The following CDK18 variants were observed in gnomAD, a reference collection of about 807,000 sequenced individuals.
CDK18 encodes the protein cyclin-dependent kinase 18.
In CDK18, 52 loss-of-function variants were observed where a neutral mutation model predicts 62.0. The observed-to-expected ratio is 0.84, with a 90% CI of 0.67 to 1.06. The LOEUF is 1.06. CDK18 is among the 50% of genes least tolerant of loss of function. The probability of loss-of-function intolerance (pLI) is 0.00; values close to 1 mark genes in which losing one functional copy is unlikely to be tolerated. For synonymous variants in CDK18, 237 were observed against 247.0 expected (o/e 0.96, Z 0.38); for missense variants, 604 against 619.9 (o/e 0.97, Z 0.27).
rs564679481 is a variant in CDK18, at chr1:205,531,447, C to G, written c.*69C>G. 1 of 1,418,430 alleles carries G rather than the reference C, an allele frequency of 7.1e-7. No individual in the cohort carries two copies. 87.9% of individuals were successfully genotyped at this position (1,418,430 alleles called of 1,614,324 possible). A position where few individuals can be genotyped will look rare whatever the true frequency, so the allele number is the denominator to read the frequency against. Reference sequence around the variant, plus strand: ...GAGCACAAATTCGGGTAGGATGGAGCCTGTGTGGCCCTCGGAGGACTGAAG... The same window carrying G: ...GAGCACAAATTCGGGTAGGATGGAGGCTGTGTGGCCCTCGGAGGACTGAAG... On this transcript the variant is annotated 3_prime_UTR_variant, in exon 16 of 16. Transcript: ENST00000429964.
At chr1:205,530,882 C>G (rs1668705859) in intron 15 of CDK18, among the ~76,000 whole-genome samples, 177 bp downstream of exon 15, 1 of 152,202 alleles carries the variant, frequency 6.6e-6, no homozygotes, top group African/African-American at 2.4e-5. Context: ...CTCTTCCCTC[C>G]TCAACCCTCC....
chr1:205,525,974 G>A lies in CDK18; in HGVS notation c.457-91G>A, dbSNP rs1173574556. 3.1e-5 allele frequency: 27 copies of A among 859,006 alleles called. 1 individual carries two copies. The highest frequency in any genetic ancestry group is 1.5e-4 in the South Asian group (9 of 61,546). 53.2% of individuals were successfully genotyped at this position (859,006 alleles called of 1,614,324 possible). On this transcript the variant is annotated intron_variant, in intron 5 of 15. Coordinates refer to ENST00000429964, the MANE Select transcript of CDK18 (RefSeq NM_212502.3). ...GAGGAAGGGCACTCAGGCCCCAGTC[G>A]TAGCCCAGGCAGAGGCACAAATGGG...
Position 205,528,812 on chromosome 1 carries a change from C to CA in CDK18, c.975-186dup. 2.1e-6 allele frequency: 1 copy of CA among 474,754 alleles called. No homozygotes were observed. Among genetic ancestry groups the CA allele is most frequent in the Non-Finnish European group, 3.7e-6 (1 of 267,826 alleles). The allele number at this position is 474,754 out of a possible 1,614,324, so 29.4% of individuals were successfully genotyped here. On this transcript the variant is annotated intron_variant, in intron 10 of 15. Transcript: ENST00000429964. This position sits in a 1 kb window ranked among gnomAD's most constrained non-coding sequence, Gnocchi z 4.2. ...CTTTCCCGAGCCCAGGGAAGCCCCC[C>CA]AGAGAGGGGCTGTAGTGGGGGCTGG...
At chr1:205,506,716 G>T (rs867212155) in intron 1 of CDK18, among the ~76,000 whole-genome samples, 1 of 152,144 alleles carries the variant, frequency 6.6e-6, no homozygotes, top group African/African-American at 2.4e-5. Flanking sequence ...GGGAGGTTCC[G>T]GCCCACTCTG....
chr1:205,509,019 T>C (rs1575041976), intron 1 of CDK18, among the ~76,000 whole-genome samples: 1 of 143,288 alleles, frequency 7.0e-6, no homozygotes, highest in Non-Finnish European at 1.5e-5. Context: ...CATGGTGGCG[T>C]GTGCCTGTAA....
chr1:205,514,784 GT>G (rs1210640774), intron 1 of CDK18, among the ~76,000 whole-genome samples: 1 of 152,178 alleles, frequency 6.6e-6, no homozygotes, highest in Admixed American at 6.5e-5. Flanking sequence ...AAACAAAAAT[GT>G]TAAGGCCCCA....
rs1456452969 is a variant in CDK18 at position 205,523,543 on chromosome 1, C to G, written c.191C>G (p.Thr64Arg). ...CAGGAGTGCAGCACCTTCTCCCCAA[C>G]AGACAGCGGGGAGGAGCCGGGGCAG... is the stretch of plus-strand genomic sequence containing the variant. ...PPQECSTFSP[T>R]DSGEEPGQLS... Residue 64 changes from threonine to arginine, a missense_variant, in exon 3 of 16, where the codon ACA becomes AGA. Thr to Arg is a moderately conservative substitution (Grantham distance 71). Coordinates refer to ENST00000429964, the MANE Select transcript of CDK18 (RefSeq NM_212502.3). 6.2e-7 allele frequency: 1 copy of G among 1,606,460 alleles called. No homozygotes were observed. Among genetic ancestry groups the G allele is most frequent in the East Asian group, 2.2e-5 (1 of 44,634 alleles).
intron 11 of CDK18, 111 bp from the exon 12 acceptor site, chr1:205,529,213 C>T: frequency 1.5e-6 from 2 of 1,333,038 alleles, no homozygotes; most frequent in Non-Finnish European, 2.1e-6. Context: ...GGGCGGGGAC[C>T]CCCTGTGGCC....
chr1:205,526,612 G>C, intron 7 of CDK18, 151 bp downstream of exon 7: 1 of 930,996 alleles, frequency 1.1e-6, no homozygotes, highest in Non-Finnish European at 1.8e-6. Context: ...TCCCGTGCAG[G>C]AGTGGGCCAA....
rs1224833310 is a variant in CDK18, at chr1:205,517,472, TG to T, written c.-21-5674del. 7.2e-5 allele frequency among the ~76,000 whole-genome samples: 11 copies of T among 152,140 alleles called. No individual in the cohort carries two copies. Among genetic ancestry groups the T allele is most frequent in the Non-Finnish European group, 1.2e-4 (8 of 68,024 alleles). On this transcript the variant is annotated intron_variant, in intron 1 of 15. Coordinates refer to ENST00000429964, the MANE Select transcript of CDK18 (RefSeq NM_212502.3). This position sits in a 1 kb window ranked among gnomAD's most constrained non-coding sequence, Gnocchi z 4.1. ...CATCTTCCCTGTGCCAGTGGTGTGTTGTGTTGGCTCACCCAGCATGTTTGCT... is the reference window on the plus strand; with the variant it reads ...CATCTTCCCTGTGCCAGTGGTGTGTTTGTTGGCTCACCCAGCATGTTTGCT...
At position 205,523,193 on chromosome 1, in the gene CDK18, T is replaced by TTAAGCGCC. The variant is rs749939941; in HGVS notation, c.27_34dup (p.Arg12LeufsTer137). The TTAAGCGCC allele has an allele frequency of 6.2e-7, 1 of 1,613,278 alleles. No individual in the cohort carries two copies. The highest frequency in any genetic ancestry group is 8.5e-7 in the Non-Finnish European group (1 of 1,179,432). On this transcript the variant is annotated frameshift_variant, in exon 2 of 16. Coordinates refer to ENST00000429964, the MANE Select transcript of CDK18 (RefSeq NM_212502.3). LOFTEE classifies it high-confidence loss of function. ...ATGATCATGAACAAGATGAAGAACT[T>TTAAGCGCC]TAAGCGCCGTTTCTCCCTGTCAGTG...
At position 205,525,161 on chromosome 1, in the gene CDK18, T is replaced by C. The variant is rs752861306; in HGVS notation, c.422T>C (p.Leu141Pro). Residue 141 changes from leucine (L) to proline (P), a missense_variant, in exon 5 of 16, where the codon CTG (leucine) becomes CCG (proline). Physicochemically the swap from Leu to Pro is moderately conservative, Grantham distance 98. Coordinates refer to ENST00000429964, the MANE Select transcript of CDK18 (RefSeq NM_212502.3). Reference protein sequence around the residue: ...ASLSDIGFGKLETYVKLDKLG... With the variant: ...ASLSDIGFGKPETYVKLDKLG... ...CAGTCAGACATTGGCTTTGGGAAAC[T>C]GGAAACATACGTGAAACTGGACAAA... 1.2e-6 allele frequency: 2 copies of C among 1,609,790 alleles called. No homozygotes were observed. The highest frequency in any genetic ancestry group is 1.1e-5 in the South Asian group (1 of 90,586).
Position 205,526,462 on chromosome 1 carries a change from G to C in CDK18, c.666+1G>C, listed in dbSNP as rs775004908. ...CCTCACCCTGGTGTTTGAGTACCTGGTGAGAGTCCGGCTGGGGCTGGCCGC... is the reference window on the plus strand; with the variant it reads ...CCTCACCCTGGTGTTTGAGTACCTGCTGAGAGTCCGGCTGGGGCTGGCCGC... On this transcript the variant is annotated splice_donor_variant, in intron 7 of 15. Coordinates refer to ENST00000429964, the MANE Select transcript of CDK18 (RefSeq NM_212502.3). LOFTEE classifies it high-confidence loss of function. The C allele has an allele frequency of 1.9e-6, 3 of 1,610,980 alleles. No individual in the cohort carries two copies. The East Asian group carries it at 6.7e-5, about 36-fold the overall frequency.
Position 205,523,154 on chromosome 1 carries a change from C to T in CDK18, c.-14C>T, listed in dbSNP as rs188800175. ...TCACACTTCCCATCTCAGGACCCGGCTGCCCAGTCCCTCATGATCATGAAC... is the reference window on the plus strand; with the variant it reads ...TCACACTTCCCATCTCAGGACCCGGTTGCCCAGTCCCTCATGATCATGAAC... On this transcript the variant is annotated 5_prime_UTR_variant, in exon 2 of 16. Coordinates refer to ENST00000429964, the MANE Select transcript of CDK18 (RefSeq NM_212502.3). 301 of 1,596,392 alleles carry T rather than the reference C, an allele frequency of 1.9e-4. 5 individuals are homozygous for T. In the East Asian group the frequency reaches 4.0e-3, roughly 21 times the overall value.
intron 1 of CDK18, among the ~76,000 whole-genome samples, chr1:205,509,906 C>T (rs1471117555): frequency 6.6e-6 from 1 of 151,986 alleles, no homozygotes; most frequent in Non-Finnish European, 1.5e-5. Context: ...ATGGCGAAAC[C>T]CCATCTCTAC....
In CDK18 at chr1:205,527,957, G is replaced by T; in HGVS notation, c.853+40G>T. On this transcript the variant is annotated intron_variant, in intron 9 of 15. Coordinates refer to ENST00000429964, the MANE Select transcript of CDK18 (RefSeq NM_212502.3). This position sits in a 1 kb window ranked among gnomAD's most constrained non-coding sequence, Gnocchi z 4.1. ...AGGGTGGGGGTCTGACGCTACTGGGGTGCCTCAGGGTGTGGGTGCAGTGGG... is the reference window on the plus strand; with the variant it reads ...AGGGTGGGGGTCTGACGCTACTGGGTTGCCTCAGGGTGTGGGTGCAGTGGG... 6.2e-7 allele frequency: 1 copy of T among 1,613,282 alleles called. No homozygotes were observed. Among genetic ancestry groups the T allele is most frequent in the Non-Finnish European group, 8.5e-7 (1 of 1,179,356 alleles).
intron 1 of CDK18, among the ~76,000 whole-genome samples, chr1:205,521,560 C>T (rs531780909): frequency 6.6e-6 from 1 of 152,204 alleles, no homozygotes; most frequent in Non-Finnish European, 1.5e-5. Flanking sequence ...GGCCCACTGA[C>T]AGAGATGGGC....
chr1:205,508,712 C>T (rs186359158), intron 1 of CDK18, among the ~76,000 whole-genome samples: 4 of 152,260 alleles, frequency 2.6e-5, no homozygotes, highest in African/African-American at 9.6e-5. Flanking sequence ...GGTGTGGTGG[C>T]ACGCGCCTGT....
chr1:205,513,977 G>C (rs1252645259), intron 1 of CDK18, among the ~76,000 whole-genome samples: 4 of 152,238 alleles, frequency 2.6e-5, no homozygotes, highest in Non-Finnish European at 5.9e-5. Context: ...TTCAGCTGAG[G>C]CCTCGAGTCC....
Sources: allele counts gnomAD v4.1 joint callset (sites outside exome capture counted in the v4.1 genomes callset), GRCh38; gene constraint gnomAD v4.1.1; non-coding constraint Gnocchi (gnomAD v3.1); transcripts MANE v1.5; gene names NCBI Gene and HGNC (gene_info 2026-07-23, HGNC 2026-07-21).